GRAMD1B: variants seen among roughly 807,000 people sequenced by gnomAD.
GRAMD1B encodes the protein GRAM domain containing 1B.
Under a neutral mutation model 99.7 loss-of-function variants are expected in GRAMD1B, and 37 were observed. The ratio of observed to expected loss-of-function variants is 0.37; its 90% CI spans 0.29 to 0.49. GRAMD1B has a LOEUF of 0.49. Among genes scored for constraint, GRAMD1B ranks in the 20% least tolerant of loss-of-function variants. The probability of loss-of-function intolerance (pLI) is 0.98; values close to 1 mark genes in which losing one functional copy is unlikely to be tolerated. For missense variants in GRAMD1B, 888 were observed against 1,009.2 expected, an observed-to-expected ratio of 0.88 and a Z score of 1.63; for synonymous variants, 427 against 387.6, an observed-to-expected ratio of 1.10 and a Z score of -1.19.
chr11:123,518,906 A>G (rs2714069), intron 2 of GRAMD1B, among the ~76,000 whole-genome samples: 148,911 of 152,348 alleles, frequency 0.98, 72,785 homozygotes, highest in East Asian at 1. Flanking sequence ...AGATTGTGAA[A>G]GAGGGGCAAA....
chr11:123,418,812 C>G (rs1049700685), intron 1 of GRAMD1B, among the ~76,000 whole-genome samples: 1 of 152,182 alleles, frequency 6.6e-6, no homozygotes, highest in East Asian at 1.9e-4. Context: ...AACCTCCCAG[C>G]CCTGTTCCTT....
chr11:123,449,658 T>G (rs532663489), intron 1 of GRAMD1B, among the ~76,000 whole-genome samples: 1 of 151,660 alleles, frequency 6.6e-6, no homozygotes, highest in East Asian at 2.0e-4. Flanking sequence ...CACTGCAGCC[T>G]TGACATCCTG....
intron 2 of GRAMD1B, among the ~76,000 whole-genome samples, chr11:123,533,876 G>T (rs765044427): frequency 2.0e-5 from 3 of 152,240 alleles, no homozygotes; most frequent in African/African-American, 7.2e-5. Flanking sequence ...TGAGCTGGTA[G>T]TCTGACTTTA....
intron 1 of GRAMD1B, among the ~76,000 whole-genome samples, chr11:123,366,922 G>A (rs1230554657): frequency 6.6e-6 from 1 of 152,086 alleles, no homozygotes; most frequent in Non-Finnish European, 1.5e-5. Context: ...AGAAACAATG[G>A]GCCAGGTGTG....
At chr11:123,446,509 G>A (rs73025913) in intron 1 of GRAMD1B, among the ~76,000 whole-genome samples, 1,938 of 152,268 alleles carry the variant, frequency 0.013, 30 homozygotes, top group Middle Eastern at 0.02. Context: ...TGTCAGCCAT[G>A]TATGTTTGAA....
intron 11 of GRAMD1B, 199 bp from the exon 12 acceptor site, chr11:123,608,460 C>T: frequency 4.0e-6 from 6 of 1,506,690 alleles, no homozygotes; most frequent in Non-Finnish European, 5.3e-6. Flanking sequence ...AAATGGTGTG[C>T]ATCCCAGCAA....
At chr11:123,558,599 C>T (rs940033998) in intron 2 of GRAMD1B, among the ~76,000 whole-genome samples, 18 of 152,214 alleles carry the variant, frequency 1.2e-4, no homozygotes, top group Non-Finnish European at 5.9e-5. Flanking sequence ...CAATGCAACT[C>T]AGTTTTGGTT....
chr11:123,622,131 C>A (rs528274336), intron 19 of GRAMD1B, among the ~76,000 whole-genome samples: 6 of 152,146 alleles, frequency 3.9e-5, no homozygotes, highest in South Asian at 2.1e-4. Context: ...AGCCATCCTC[C>A]CACCCCAGCC....
intron 1 of GRAMD1B, among the ~76,000 whole-genome samples, chr11:123,468,055 G>A (rs995934989): frequency 6.6e-6 from 1 of 152,098 alleles, no homozygotes; most frequent in Non-Finnish European, 1.5e-5. Flanking sequence ...GTAGAGACAG[G>A]GTTTCACCAC....
At chr11:123,374,437 T>A (rs902126383) in intron 1 of GRAMD1B, among the ~76,000 whole-genome samples, 15 of 152,166 alleles carry the variant, frequency 9.9e-5, no homozygotes, top group African/African-American at 3.4e-4. Context: ...CTCTCAAACA[T>A]GGGTATCATT....
At chr11:123,416,484 G>A (rs980244183) in intron 1 of GRAMD1B, among the ~76,000 whole-genome samples, 3 of 152,094 alleles carry the variant, frequency 2.0e-5, no homozygotes, top group South Asian at 4.1e-4. Flanking sequence ...TCTACTCCCC[G>A]CTACTCCACA....
At chr11:123,445,356 T>G (rs889245030) in intron 1 of GRAMD1B, among the ~76,000 whole-genome samples, 2 of 152,150 alleles carry the variant, frequency 1.3e-5, no homozygotes, top group African/African-American at 4.8e-5. Flanking sequence ...TTTGACCTTT[T>G]TGTTGATTTT....
chr11:123,545,953 T>A (rs1945007805), intron 2 of GRAMD1B, among the ~76,000 whole-genome samples: 1 of 152,250 alleles, frequency 6.6e-6, no homozygotes, highest in African/African-American at 2.4e-5. Flanking sequence ...TTGTCCTCCC[T>A]GCCTTGTGGC....
intron 14 of GRAMD1B, among the ~76,000 whole-genome samples, chr11:123,612,469 C>A (rs1472236202): frequency 2.0e-5 from 3 of 152,130 alleles, no homozygotes; most frequent in Non-Finnish European, 4.4e-5. Context: ...TATGTGAGAC[C>A]CCTGAGAGGA....
chr11:123,614,216 CAG>C (rs1954009949), intron 16 of GRAMD1B, among the ~76,000 whole-genome samples: 1 of 152,194 alleles, frequency 6.6e-6, no homozygotes, highest in African/African-American at 2.4e-5. Flanking sequence ...TGGATATGGA[CAG>C]GGGAGGCAGA....
chr11:123,585,680 C>T (rs1949997174), intron 4 of GRAMD1B, among the ~76,000 whole-genome samples: 1 of 152,162 alleles, frequency 6.6e-6, no homozygotes, highest in East Asian at 1.9e-4. Context: ...CGCAGCCCAG[C>T]TGTCATGGGG....
intron 2 of GRAMD1B, among the ~76,000 whole-genome samples, chr11:123,488,080 A>G (rs1938077858): frequency 6.6e-6 from 1 of 152,188 alleles, no homozygotes; most frequent in Non-Finnish European, 1.5e-5. Context: ...TGTTTTCTTC[A>G]TAGACAGCTG....
In GRAMD1B at chr11:123,545,424, A is replaced by G. The variant is rs78451755; in HGVS notation, c.453-31943A>G. On this transcript the variant is annotated intron_variant, in intron 2 of 19. Transcript: ENST00000635736. ...TGATTCCCAAACCTGGCTAGTCATC[A>G]GAATCATGTGGGGACCTAGTCCATC... is the stretch of plus-strand genomic sequence containing the variant. Among the ~76,000 whole-genome samples the G allele has an allele frequency of 3.4e-3, 516 of 152,324 alleles. 31 individuals are homozygous for G. The East Asian group carries it at 0.091, about 27-fold the overall frequency.
At chr11:123,565,128 GT>G (rs1490338388) in intron 2 of GRAMD1B, among the ~76,000 whole-genome samples, 4 of 151,926 alleles carry the variant, frequency 2.6e-5, no homozygotes, top group African/African-American at 7.3e-5. Flanking sequence ...CGAATTCCTG[GT>G]CTCAGGTGAT....
Sources: gnomAD v4.1 joint callset for allele counts (sites outside exome capture counted in the v4.1 genomes callset) on GRCh38, gnomAD v4.1.1 for gene constraint, MANE v1.5 for transcripts, NCBI Gene and HGNC (gene_info 2026-07-23, HGNC 2026-07-21) for gene names.